Variants in FAT4 observed in about 807,000 individuals in gnomAD.
The protein encoded by FAT4 is FAT atypical cadherin 4.
FAT4 carries 84 observed loss-of-function variants against 303.9 expected under a neutral mutation model. That is an observed-to-expected ratio of 0.28 (90% confidence interval 0.23 to 0.33). The LOEUF is 0.33. Among genes scored for constraint, FAT4 ranks in the 10% least tolerant of loss-of-function variants. FAT4 has a pLI of 1.00. For missense variants in FAT4, 6,005 were observed against 6,146.8 expected, an observed-to-expected ratio of 0.98 and a Z score of 0.77; for synonymous variants, 2,307 against 2,298.8, an observed-to-expected ratio of 1.00 and a Z score of -0.10.
intron 3 of FAT4, among the ~76,000 whole-genome samples, chr4:125,404,331 G>T (rs1051869501): frequency 3.3e-5 from 5 of 152,104 alleles, no homozygotes; most frequent in African/African-American, 1.2e-4. Context: ...ATCCTTAAAA[G>T]ATTGCTTCCA....
In FAT4 at chr4:125,317,296, C is replaced by G. The variant is rs1730654394; in HGVS notation, c.885C>G (p.Pro295=). ...IRYRLQDEGT[P]FQMDPETGLI... is the part of the protein sequence containing the mutation. Reference sequence around the variant, plus strand: ...ATCGCCTGCAGGACGAGGGGACCCCCTTCCAAATGGACCCTGAGACGGGAC... The same window carrying G: ...ATCGCCTGCAGGACGAGGGGACCCCGTTCCAAATGGACCCTGAGACGGGAC... The change falls in exon 2 of 18, where the codon CCC becomes CCG. Residue 295 remains proline (P), a synonymous_variant. Coordinates refer to ENST00000394329, the MANE Select transcript of FAT4 (RefSeq NM_001291303.3). This position sits in a 1 kb window ranked among gnomAD's most constrained non-coding sequence, Gnocchi z 7.0. The G allele has an allele frequency of 6.3e-7, 1 of 1,597,586 alleles. No homozygotes were observed. The highest frequency in any genetic ancestry group is 8.5e-7 in the Non-Finnish European group (1 of 1,169,698).
At chr4:125,328,039 G>A (rs765203116) in intron 2 of FAT4, among the ~76,000 whole-genome samples, 23 of 152,270 alleles carry the variant, frequency 1.5e-4, no homozygotes, top group Middle Eastern at 6.8e-3. Flanking sequence ...GTGGTATTCC[G>A]AATTAGGCAC....
chr4:125,425,771 A>T (rs1002406096), intron 7 of FAT4, among the ~76,000 whole-genome samples: 4 of 152,088 alleles, frequency 2.6e-5, no homozygotes, highest in African/African-American at 9.7e-5. Flanking sequence ...TTTATCCTTT[A>T]TAGATAATTC....
chr4:125,388,389 C>T (rs887738183), intron 2 of FAT4, among the ~76,000 whole-genome samples: 3 of 152,008 alleles, frequency 2.0e-5, no homozygotes, highest in African/African-American at 7.2e-5. Flanking sequence ...GTATCCAGTA[C>T]ACATTAGGCA....
At chr4:125,387,367 A>G (rs886699636) in intron 2 of FAT4, among the ~76,000 whole-genome samples, 1 of 152,244 alleles carries the variant, frequency 6.6e-6, no homozygotes, top group Non-Finnish European at 1.5e-5. Flanking sequence ...AGTCTCGTGT[A>G]GGTTCTAGAA....
At chr4:125,465,600 G>A (rs1029043327) in intron 11 of FAT4, among the ~76,000 whole-genome samples, 8 of 152,172 alleles carry the variant, frequency 5.3e-5, no homozygotes, top group African/African-American at 1.9e-4. Context: ...AGTTGCTGCT[G>A]CAGTGTAGTG....
intron 12 of FAT4, among the ~76,000 whole-genome samples, chr4:125,473,083 T>C (rs1434379271): frequency 2.6e-5 from 4 of 152,122 alleles, no homozygotes; most frequent in Admixed American, 2.6e-4. Flanking sequence ...AAAAATGTTG[T>C]CAAGACATAA....
rs1257460460 is a variant in FAT4 at position 125,315,723 on chromosome 4, G to C, written c.-267G>C. 6.6e-6 allele frequency among the ~76,000 whole-genome samples: 1 copy of C among 152,280 alleles called. No homozygotes were observed. Among genetic ancestry groups the C allele is most frequent in the East Asian group, 1.9e-4 (1 of 5,138 alleles). ...CGCTCCCGGGTACGGGAGCCAGAGC[G>C]CGAACGCTAGCGCTTGGAACGCAGT... On this transcript the variant is annotated 5_prime_UTR_variant, in exon 1 of 18. Coordinates refer to ENST00000394329, the MANE Select transcript of FAT4 (RefSeq NM_001291303.3).
chr4:125,378,149 C>T (rs1011404231), intron 2 of FAT4, among the ~76,000 whole-genome samples: 3 of 151,966 alleles, frequency 2.0e-5, no homozygotes, highest in Non-Finnish European at 4.4e-5. Context: ...ATGTATGTAC[C>T]AAGTTAGACA....
intron 2 of FAT4, among the ~76,000 whole-genome samples, chr4:125,322,470 A>T (rs1730991386): frequency 6.6e-6 from 1 of 152,128 alleles, no homozygotes; most frequent in African/African-American, 2.4e-5. Context: ...TTGATAATCA[A>T]CTAGAAATGA....
At chr4:125,380,861 A>G (rs1733510439) in intron 2 of FAT4, among the ~76,000 whole-genome samples, 1 of 152,194 alleles carries the variant, frequency 6.6e-6, no homozygotes, top group Admixed American at 6.5e-5. Flanking sequence ...TATTCTTAAA[A>G]TGCAATCATT....
At chr4:125,467,372 G>C (rs997365966) in intron 11 of FAT4, among the ~76,000 whole-genome samples, 6 of 151,968 alleles carry the variant, frequency 3.9e-5, no homozygotes, top group African/African-American at 1.5e-4. Flanking sequence ...TGCATTTATG[G>C]GACATATAAA....
At chr4:125,457,445 A>G (rs955139874) in intron 10 of FAT4, among the ~76,000 whole-genome samples, 33 of 152,158 alleles carry the variant, frequency 2.2e-4, no homozygotes, top group Non-Finnish European at 4.7e-4. Context: ...GCACATAAGT[A>G]TAAAACAACT....
intron 2 of FAT4, among the ~76,000 whole-genome samples, chr4:125,393,377 G>C (rs1560795339): frequency 6.6e-6 from 1 of 152,068 alleles, no homozygotes; most frequent in Non-Finnish European, 1.5e-5. Context: ...CCTTTAACTT[G>C]AATATAATCT....
chr4:125,442,003 T>C (rs973978567), intron 8 of FAT4, among the ~76,000 whole-genome samples: 1 of 152,180 alleles, frequency 6.6e-6, no homozygotes. Flanking sequence ...CATGTACCTA[T>C]TGTCTTTGGC....
intron 2 of FAT4, among the ~76,000 whole-genome samples, chr4:125,325,716 TG>T (rs1480833869): frequency 3.9e-5 from 6 of 152,234 alleles, no homozygotes; most frequent in African/African-American, 1.4e-4. Context: ...ATACGTTTTT[TG>T]TTTTCTCAAG....
At chr4:125,473,852 ACT>A (rs1208935424) in intron 12 of FAT4, among the ~76,000 whole-genome samples, 2 of 151,914 alleles carry the variant, frequency 1.3e-5, no homozygotes, top group Admixed American at 6.6e-5. Context: ...TGTGAAAAAA[ACT>A]CTGTCATTAT....
chr4:125,437,971 A>G (rs1157561990), intron 8 of FAT4, among the ~76,000 whole-genome samples: 3 of 152,200 alleles, frequency 2.0e-5, no homozygotes, highest in African/African-American at 7.2e-5. Flanking sequence ...ATGTCAACCC[A>G]TATTGTTCTA....
chr4:125,397,595 A>G (rs1243023743), intron 2 of FAT4, among the ~76,000 whole-genome samples: 2 of 152,172 alleles, frequency 1.3e-5, no homozygotes, highest in Non-Finnish European at 2.9e-5. Flanking sequence ...TAAAAGGTGG[A>G]ACTAGAGGTA....
Sources: gnomAD v4.1 joint callset for allele counts (sites outside exome capture counted in the v4.1 genomes callset) on GRCh38, gnomAD v4.1.1 for gene constraint, Gnocchi (gnomAD v3.1) non-coding constraint, MANE v1.5 for transcripts, NCBI Gene and HGNC (gene_info 2026-07-23, HGNC 2026-07-21) for gene names.